The following MSRA variants were observed in gnomAD, a reference collection of about 807,000 sequenced individuals.
MSRA encodes methionine sulfoxide reductase A.
In MSRA, 54 loss-of-function variants were observed where a neutral mutation model predicts 31.3. That is an observed-to-expected ratio of 1.73 (90% confidence interval 1.39 to 2.17). The LOEUF (loss-of-function observed/expected upper bound fraction) is 2.17. MSRA is among the 30% of genes most tolerant of loss of function. The probability of loss-of-function intolerance (pLI) is 0.00; values close to 1 mark genes in which losing one functional copy is unlikely to be tolerated. For synonymous variants in MSRA, 169 were observed against 116.5 expected (o/e 1.45, Z -2.90); for missense variants, 507 against 300.9 (o/e 1.69, Z -5.07).
chr8:10,084,898 T>TG (rs1554541750), intron 1 of MSRA, among the ~76,000 whole-genome samples: 2 of 84 alleles, frequency 0.024, no homozygotes, highest in South Asian at 0.5. Context: ...CTTTGCGAAT[T>TG]AACATTCTTT....
At position 10,202,579 on chromosome 8, in the gene MSRA, T is replaced by C. The variant is rs541490882; in HGVS notation, c.143-5254T>C. On this transcript the variant is annotated intron_variant, in intron 1 of 5. Transcript: ENST00000317173. The stretch of plus-strand genomic sequence containing the variant: ...TATGGGTACTGTGTTGAGAAAAGAT[T>C]CTGTGGGCACATTCAGGGATCAAGA... Among the ~76,000 whole-genome samples the C allele has an allele frequency of 6.6e-5, 10 of 152,330 alleles. No individual in the cohort carries two copies. In the South Asian group the frequency reaches 2.1e-3, roughly 32 times the overall value.
chr8:10,403,951 A>C (rs77480112), intron 5 of MSRA, among the ~76,000 whole-genome samples: 3 of 152,242 alleles, frequency 2.0e-5, no homozygotes, highest in African/African-American at 7.2e-5. Flanking sequence ...GCCGTGACCC[A>C]TGAGCATTTA....
chr8:10,078,535 C>T (rs13248887), intron 1 of MSRA, among the ~76,000 whole-genome samples: 1 of 152,236 alleles, frequency 6.6e-6, no homozygotes, highest in Admixed American at 6.5e-5. Flanking sequence ...TGGACAGCGT[C>T]TGCTTCCTGC....
chr8:10,234,819 A>G (rs35451364), intron 2 of MSRA, among the ~76,000 whole-genome samples: 32,644 of 152,020 alleles, frequency 0.21, 4,431 homozygotes, highest in Admixed American at 0.34. Context: ...TTTTAAGAAC[A>G]AAAGACTTTA....
intron 1 of MSRA, among the ~76,000 whole-genome samples, chr8:10,128,384 A>G (rs1216659062): frequency 6.6e-6 from 1 of 152,170 alleles, no homozygotes; most frequent in Non-Finnish European, 1.5e-5. Flanking sequence ...TTGTCTCAAA[A>G]AAAAAAAAAA....
chr8:10,200,773 G>C (rs1016942026), intron 1 of MSRA, among the ~76,000 whole-genome samples: 9 of 152,176 alleles, frequency 5.9e-5, no homozygotes, highest in Non-Finnish European at 1.0e-4. Context: ...GGAGCTGTGA[G>C]GGACAAACAC....
chr8:10,314,671 C>G (rs1459919053), intron 4 of MSRA, among the ~76,000 whole-genome samples: 1 of 152,154 alleles, frequency 6.6e-6, no homozygotes, highest in African/African-American at 2.4e-5. Flanking sequence ...AAGAGAAACT[C>G]ATGCATATGT....
At chr8:10,058,556 A>G (rs1165717517) in intron 1 of MSRA, among the ~76,000 whole-genome samples, 2 of 149,158 alleles carry the variant, frequency 1.3e-5, no homozygotes, top group African/African-American at 5.0e-5. Context: ...AGCATTGTCT[A>G]GTTTCACCAA....
intron 3 of MSRA, chr8:10,250,338 G>C: frequency 1.5e-6 from 1 of 684,152 alleles, no homozygotes; most frequent in Non-Finnish European, 2.7e-6. Context: ...CAGTGCATTA[G>C]CCTAATATAC....
intron 1 of MSRA, among the ~76,000 whole-genome samples, chr8:10,133,902 C>T (rs1802078131): frequency 6.6e-6 from 1 of 152,122 alleles, no homozygotes; most frequent in Non-Finnish European, 1.5e-5. Flanking sequence ...ACAATCTCGG[C>T]TCACTGTGAC....
At chr8:10,353,050 G>C (rs1804280747) in intron 5 of MSRA, among the ~76,000 whole-genome samples, 1 of 152,070 alleles carries the variant, frequency 6.6e-6, no homozygotes, top group South Asian at 2.1e-4. Context: ...GTTTGGGTAG[G>C]GGGAGAGGTG....
chr8:10,064,159 G>C (rs11985767), intron 1 of MSRA, among the ~76,000 whole-genome samples: 1 of 152,150 alleles, frequency 6.6e-6, no homozygotes, highest in Non-Finnish European at 1.5e-5. Context: ...GGCATGATCA[G>C]AGTTCTCAGA....
chr8:10,402,545 C>A lies in MSRA; in HGVS notation c.544-25603C>A, dbSNP rs140914425. On this transcript the variant is annotated intron_variant, in intron 5 of 5. Transcript: ENST00000317173. ...CAGTGCCCCCATAGCCCAAGATGCC[C>A]ACTGGAGGCAGCTGGGAGCCCAGGC... Among the ~76,000 whole-genome samples, 311 of 152,316 alleles carry A rather than the reference C, an allele frequency of 2.0e-3. 3 individuals carry two copies. Among genetic ancestry groups the A allele is most frequent in the African/African-American group, 7.2e-3 (300 of 41,576 alleles).
chr8:10,135,429 G>A (rs1252588387), intron 1 of MSRA, among the ~76,000 whole-genome samples: 1 of 152,216 alleles, frequency 6.6e-6, no homozygotes, highest in African/African-American at 2.4e-5. Flanking sequence ...AGAGGAAGAA[G>A]TCATTTTATT....
intron 5 of MSRA, among the ~76,000 whole-genome samples, chr8:10,371,173 T>C (rs1805453241): frequency 6.6e-6 from 1 of 152,162 alleles, no homozygotes; most frequent in South Asian, 2.1e-4. Flanking sequence ...TTTTAGGATA[T>C]GTTATTTTGG....
intron 1 of MSRA, among the ~76,000 whole-genome samples, chr8:10,150,511 C>A (rs939792900): frequency 1.3e-5 from 2 of 152,142 alleles, no homozygotes; most frequent in African/African-American, 4.8e-5. Flanking sequence ...CAAAATGCAA[C>A]CATGTAATCA....
intron 2 of MSRA, among the ~76,000 whole-genome samples, chr8:10,226,077 T>C (rs535857036): frequency 8.5e-5 from 13 of 152,328 alleles, no homozygotes; most frequent in South Asian, 2.1e-4. Flanking sequence ...GTTCCTGTTA[T>C]GAGATTTGGC....
At position 10,054,502 on chromosome 8, in the gene MSRA, G is replaced by A; in HGVS notation, c.-15G>A. On this transcript the variant is annotated 5_prime_UTR_variant, in exon 1 of 6. Coordinates refer to ENST00000317173, the MANE Select transcript of MSRA (RefSeq NM_012331.5). Reference sequence around the variant, plus strand: ...GCGCCGTCCCCCGGGACCACCCTTCGGCTGGCGCCCTCCCATGCTCTCGGC... The same window carrying A: ...GCGCCGTCCCCCGGGACCACCCTTCAGCTGGCGCCCTCCCATGCTCTCGGC... 6.4e-7 allele frequency: 1 copy of A among 1,566,044 alleles called. No individual in the cohort carries two copies. Among genetic ancestry groups the A allele is most frequent in the African/African-American group, 1.4e-5 (1 of 70,908 alleles).
rs571105758 is a variant in MSRA at position 10,103,017 on chromosome 8, C to A, written c.142+48359C>A. On this transcript the variant is annotated intron_variant, in intron 1 of 5. Coordinates refer to ENST00000317173, the MANE Select transcript of MSRA (RefSeq NM_012331.5). ...AATTAGGGACTGAGCCTTCTTTAAT[C>A]ACTAGCTACCCAGAGATTAGTATGT... 2.6e-5 allele frequency among the ~76,000 whole-genome samples: 4 copies of A among 152,260 alleles called. No homozygotes were observed. In the East Asian group the frequency reaches 7.7e-4, roughly 29 times the overall value.
Sources: gnomAD v4.1 joint callset for allele counts (sites outside exome capture counted in the v4.1 genomes callset) on GRCh38, gnomAD v4.1.1 for gene constraint, MANE v1.5 for transcripts, NCBI Gene and HGNC (gene_info 2026-07-23, HGNC 2026-07-21) for gene names.